CMIP: variants seen among roughly 807,000 people sequenced by gnomAD.
CMIP encodes c-Maf inducing protein.
CMIP carries 13 observed loss-of-function variants against 97.3 expected under a neutral mutation model. That is an observed-to-expected ratio of 0.13 (90% confidence interval 0.09 to 0.21). CMIP has a LOEUF of 0.21. Ranked by LOEUF, CMIP falls within the 10% of genes least tolerant of loss-of-function variation. The pLI, the probability that CMIP is intolerant of heterozygous loss-of-function variation, is 1.00. For missense variants in CMIP, 847 were observed against 1,024.9 expected (o/e 0.83, Z 2.37); for synonymous variants, 538 against 436.3 (o/e 1.23, Z -2.91).
intron 13 of CMIP, 110 bp from the exon 14 acceptor site, chr16:81,696,450 C>G (rs1427028015): frequency 2.8e-6 from 3 of 1,088,090 alleles, no homozygotes; most frequent in South Asian, 1.4e-5. Context: ...AAGCGGGTTT[C>G]TTGACTGCAG....
At chr16:81,501,663 G>A (rs1198426703) in intron 1 of CMIP, among the ~76,000 whole-genome samples, 1 of 150,792 alleles carries the variant, frequency 6.6e-6, no homozygotes, top group Admixed American at 6.6e-5. Context: ...CCAGGCTGGA[G>A]TGCAGTGTCG....
At chr16:81,634,406 C>A (rs991156959) in intron 3 of CMIP, among the ~76,000 whole-genome samples, 1 of 152,198 alleles carries the variant, frequency 6.6e-6, no homozygotes, top group African/African-American at 2.4e-5. Context: ...CCTTCTGTAA[C>A]CATTTCACCT....
intron 14 of CMIP, among the ~76,000 whole-genome samples, chr16:81,699,041 C>T (rs745939121): frequency 1.3e-5 from 2 of 152,170 alleles, no homozygotes; most frequent in Non-Finnish European, 2.9e-5. Context: ...CACTTGAGTT[C>T]AGGAATTCAA....
chr16:81,582,231 G>T (rs1453742150), intron 1 of CMIP, among the ~76,000 whole-genome samples: 1 of 152,136 alleles, frequency 6.6e-6, no homozygotes, highest in Non-Finnish European at 1.5e-5. Context: ...AGTCTGGGGT[G>T]GGGACACAGA....
chr16:81,570,554 C>T (rs1382199922), intron 1 of CMIP, among the ~76,000 whole-genome samples: 3 of 152,108 alleles, frequency 2.0e-5, no homozygotes, highest in Admixed American at 6.5e-5. Context: ...CGCCAGGGAG[C>T]CCCACCCTAC....
At chr16:81,524,182 T>C (rs1190874401) in intron 1 of CMIP, among the ~76,000 whole-genome samples, 1 of 152,222 alleles carries the variant, frequency 6.6e-6, no homozygotes, top group Non-Finnish European at 1.5e-5. Flanking sequence ...CCACGATCCA[T>C]TGCTTATAAA....
chr16:81,558,039 C>G (rs540755073), intron 1 of CMIP, among the ~76,000 whole-genome samples: 2 of 152,210 alleles, frequency 1.3e-5, no homozygotes, highest in South Asian at 4.1e-4. Context: ...AATGCAGTCA[C>G]GCAATATTTA....
At chr16:81,595,002 A>G (rs759051819) in intron 1 of CMIP, among the ~76,000 whole-genome samples, 106 of 151,548 alleles carry the variant, frequency 7.0e-4, no homozygotes, top group Non-Finnish European at 8.8e-4. Context: ...AAAAAATAGA[A>G]CAATATACTA....
At position 81,682,072 on chromosome 16, in the gene CMIP, G is replaced by A. The variant is rs553597233; in HGVS notation, c.1388+3444G>A. 5.9e-5 allele frequency among the ~76,000 whole-genome samples: 9 copies of A among 152,014 alleles called. No individual in the cohort carries two copies. The East Asian group carries it at 7.7e-4, about 13-fold the overall frequency. On this transcript the variant is annotated intron_variant, in intron 10 of 20. Coordinates refer to ENST00000537098, the MANE Select transcript of CMIP (RefSeq NM_198390.3). ...ACAAATATTAGCCGGGTGTGGTGGC[G>A]GGCGCCTGTAGTCCCAGCTACTCGG...
At position 81,705,588 on chromosome 16, in the gene CMIP, C is replaced by T; in HGVS notation, c.2181C>T (p.Gly727=). 1 of 1,602,034 alleles carries T rather than the reference C, an allele frequency of 6.2e-7. No homozygotes were observed. The highest frequency in any genetic ancestry group is 2.3e-5 in the East Asian group (1 of 44,382). ...NLCETPVTDA[G]LLALSSMKSL... ...GCGAGACCCCGGTCACAGACGCTGG[C>T]CTGCTGGCCCTGAGCTGTGAGTGCC... The change falls in exon 19 of 21, where the codon GGC becomes GGT. Residue 727 remains glycine (G), a synonymous_variant. Transcript: ENST00000537098.
chr16:81,563,061 G>A (rs915042376), intron 1 of CMIP, among the ~76,000 whole-genome samples: 5 of 152,196 alleles, frequency 3.3e-5, no homozygotes, highest in African/African-American at 1.2e-4. Flanking sequence ...CTGGCAAGGC[G>A]CTGACCCGCC....
chr16:81,606,224 C>G (rs1379381934), intron 1 of CMIP, among the ~76,000 whole-genome samples: 1 of 152,178 alleles, frequency 6.6e-6, no homozygotes, highest in Non-Finnish European at 1.5e-5. Flanking sequence ...AGCTAGATGA[C>G]CTTGGGCAAA....
intron 9 of CMIP, among the ~76,000 whole-genome samples, chr16:81,676,685 A>C (rs1293082531): frequency 6.6e-6 from 1 of 152,078 alleles, no homozygotes; most frequent in African/African-American, 2.4e-5. Context: ...TTTATTAAAC[A>C]CCCTTGGTGG....
At chr16:81,629,696 C>T (rs2092127421) in intron 3 of CMIP, among the ~76,000 whole-genome samples, 1 of 152,260 alleles carries the variant, frequency 6.6e-6, no homozygotes, top group African/African-American at 2.4e-5. Flanking sequence ...GGCACATGGA[C>T]AGTCCTGTGA....
chr16:81,702,718 T>C, intron 17 of CMIP, 49 bp downstream of exon 17: 1 of 1,567,626 alleles, frequency 6.4e-7, no homozygotes, highest in Non-Finnish European at 8.8e-7. Flanking sequence ...GGTGGGTTGG[T>C]CCTCTCTGTT....
chr16:81,677,622 T>G (rs1164180667), intron 9 of CMIP, among the ~76,000 whole-genome samples: 1 of 152,136 alleles, frequency 6.6e-6, no homozygotes. Context: ...CTAACAAATG[T>G]GAGATTAATA....
At chr16:81,650,150 C>G (rs1277460535) in intron 3 of CMIP, among the ~76,000 whole-genome samples, 1 of 152,208 alleles carries the variant, frequency 6.6e-6, no homozygotes, top group Non-Finnish European at 1.5e-5. Context: ...TTACTCTTCA[C>G]TGTACACTCA....
At chr16:81,595,473 C>T (rs2091540319) in intron 1 of CMIP, among the ~76,000 whole-genome samples, 1 of 150,190 alleles carries the variant, frequency 6.7e-6, no homozygotes, top group Non-Finnish European at 1.5e-5. Context: ...ACTGCAGCTT[C>T]TGCCTGCCCT....
chr16:81,668,296 G>A (rs1376997769), intron 7 of CMIP, among the ~76,000 whole-genome samples: 5 of 152,264 alleles, frequency 3.3e-5, no homozygotes, highest in South Asian at 2.1e-4. Flanking sequence ...CAGCCCGAGG[G>A]GCTGGCAGTC....
Sources: allele counts gnomAD v4.1 joint callset (sites outside exome capture counted in the v4.1 genomes callset), GRCh38; gene constraint gnomAD v4.1.1; transcripts MANE v1.5; gene names NCBI Gene and HGNC (gene_info 2026-07-23, HGNC 2026-07-21).